The following SEH1L variants were observed in gnomAD, a reference collection of about 807,000 sequenced individuals.
SEH1L encodes SEH1 like nucleoporin, also known as nucleoporin SEH1.
Under a neutral mutation model 49.5 loss-of-function variants are expected in SEH1L, and 18 were observed. The ratio of observed to expected loss-of-function variants is 0.36; its 90% CI spans 0.25 to 0.54. The LOEUF is 0.54. Ranked by LOEUF, SEH1L falls within the 20% of genes least tolerant of loss-of-function variation. The pLI is 0.87. For missense variants in SEH1L, 404 were observed against 528.8 expected (o/e 0.76, Z 2.31); for synonymous variants, 169 against 178.1 (o/e 0.95, Z 0.41).
intron 6 of SEH1L, 82 bp downstream of exon 6, chr18:12,978,974 A>G: frequency 7.7e-7 from 1 of 1,301,618 alleles, no homozygotes; most frequent in Non-Finnish European, 1.1e-6. Context: ...AGTAGAGGTA[A>G]CTATGATTTG....
chr18:12,958,414 T>G (rs1378172896), intron 3 of SEH1L, among the ~76,000 whole-genome samples: 2 of 152,146 alleles, frequency 1.3e-5, no homozygotes, highest in Non-Finnish European at 2.9e-5. Flanking sequence ...ATGGTATAAT[T>G]CAGTAGAATT....
At chr18:12,965,103 T>TCC in intron 4 of SEH1L, among the ~76,000 whole-genome samples, 1 of 112,896 alleles carries the variant, frequency 8.9e-6, no homozygotes, top group African/African-American at 4.0e-5. Context: ...AAGCTCCGCC[T>TCC]CCTGGTTCAA....
chr18:12,965,354 T>C (rs542793936), intron 4 of SEH1L, among the ~76,000 whole-genome samples: 2 of 152,372 alleles, frequency 1.3e-5, no homozygotes, highest in East Asian at 3.9e-4. Flanking sequence ...GCAAGATTTA[T>C]AATATTTACA....
chr18:12,981,447 A>G (rs2032254959), intron 6 of SEH1L, among the ~76,000 whole-genome samples: 1 of 152,254 alleles, frequency 6.6e-6, no homozygotes, highest in African/African-American at 2.4e-5. Context: ...TCCGTCTGCC[A>G]TCCCGGCACC....
chr18:12,972,100 G>A (rs1452270023), intron 5 of SEH1L: 3 of 152,254 alleles, frequency 2.0e-5, no homozygotes, highest in African/African-American at 7.2e-5. Flanking sequence ...GAAACATGGT[G>A]GATTCACGGC....
intron 5 of SEH1L, chr18:12,973,753 G>A (rs2145646535): frequency 6.6e-6 from 1 of 152,362 alleles, no homozygotes; most frequent in Non-Finnish European, 1.5e-5. Context: ...TGAGGGTGGA[G>A]CAGTTCTGGG....
intron 7 of SEH1L, among the ~76,000 whole-genome samples, 162 bp from the exon 8 acceptor site, chr18:12,983,878 T>G (rs1045924678): frequency 6.6e-6 from 1 of 152,246 alleles, no homozygotes; most frequent in Non-Finnish European, 1.5e-5. Flanking sequence ...TGAGATAATA[T>G]GTCTTTCATT....
chr18:12,978,573 A>G (rs2032023335), intron 5 of SEH1L, 179 bp from the exon 6 acceptor site: 9 of 493,538 alleles, frequency 1.8e-5, no homozygotes, highest in Non-Finnish European at 2.9e-5. Flanking sequence ...ATAAGGTCAC[A>G]TTCACAGGGT....
chr18:12,979,336 T>C (rs994472403), intron 6 of SEH1L, among the ~76,000 whole-genome samples: 11 of 150,048 alleles, frequency 7.3e-5, no homozygotes, highest in Non-Finnish European at 1.2e-4. Context: ...CTTAATCCAT[T>C]CAACCCTGAG....
At chr18:12,964,195 G>C (rs2031326967) in intron 4 of SEH1L, among the ~76,000 whole-genome samples, 1 of 152,004 alleles carries the variant, frequency 6.6e-6, no homozygotes, top group African/African-American at 2.4e-5. Flanking sequence ...ACAATTATAA[G>C]AATCACTTGG....
At chr18:12,962,685 C>T (rs1480936160) in intron 3 of SEH1L, among the ~76,000 whole-genome samples, 6 of 150,692 alleles carry the variant, frequency 4.0e-5, no homozygotes, top group African/African-American at 1.5e-4. Flanking sequence ...GTAGCCCAGG[C>T]TGGTCTTGAA....
rs765231354 is a variant in SEH1L, at chr18:12,951,915, TA to T, written c.162+11del. On this transcript the variant is annotated intron_variant, in intron 2 of 8. Coordinates refer to ENST00000399892, the MANE Select transcript of SEH1L (RefSeq NM_001013437.2). ...TACTGCTAGCTGGAAGGTTAGTATT[TA>T]TTTTTACATTTATTAAAAATACAGA... is the stretch of plus-strand genomic sequence containing the variant. 4.2e-6 allele frequency: 6 copies of T among 1,434,136 alleles called. No individual in the cohort carries two copies. The highest frequency in any genetic ancestry group is 5.7e-6 in the Non-Finnish European group (6 of 1,043,580). The allele number at this position is 1,434,136 out of a possible 1,614,324, so 88.8% of individuals were successfully genotyped here. A position where few individuals can be genotyped will look rare whatever the true frequency, so the allele number is the denominator to read the frequency against.
chr18:12,985,257 A>G (rs970501394), intron 8 of SEH1L: 35 of 1,609,478 alleles, frequency 2.2e-5, no homozygotes, highest in Non-Finnish European at 3.0e-5. Context: ...AGCTGAGTAC[A>G]AGCTAACTGG....
chr18:12,979,671 G>C (rs1372587385), intron 6 of SEH1L, among the ~76,000 whole-genome samples: 9 of 150,236 alleles, frequency 6.0e-5, no homozygotes, highest in Non-Finnish European at 1.3e-4. Flanking sequence ...CTCACCTCCC[G>C]GACGGGGTGG....
chr18:12,986,241 T>C, intron 8 of SEH1L: 4 of 985,272 alleles, frequency 4.1e-6, no homozygotes, highest in Non-Finnish European at 4.8e-6. Context: ...GCGTAAGTAT[T>C]ATCGGTAAGT....
chr18:12,959,615 GC>G (rs899460604), intron 3 of SEH1L, among the ~76,000 whole-genome samples: 4 of 152,222 alleles, frequency 2.6e-5, no homozygotes, highest in Non-Finnish European at 5.9e-5. Flanking sequence ...GATTTGATAT[GC>G]ACAACCTGTA....
intron 5 of SEH1L, chr18:12,977,570 C>G (rs906614477): frequency 1.3e-5 from 2 of 151,972 alleles, no homozygotes; most frequent in African/African-American, 4.8e-5. Flanking sequence ...ACTAAAAATA[C>G]AAAATTAGCC....
At chr18:12,975,880 C>T (rs2031897045) in intron 5 of SEH1L, 27 of 985,580 alleles carry the variant, frequency 2.7e-5, no homozygotes, top group Non-Finnish European at 3.3e-5. Flanking sequence ...AGCTGTAGGT[C>T]ACGTGAGTCT....
intron 8 of SEH1L, chr18:12,985,131 T>C: frequency 2.4e-6 from 3 of 1,251,714 alleles, no homozygotes; most frequent in Non-Finnish European, 3.4e-6. Flanking sequence ...ATATTTTCTT[T>C]TGTAAATAGC....
Sources: allele counts gnomAD v4.1 joint callset (sites outside exome capture counted in the v4.1 genomes callset), GRCh38; gene constraint gnomAD v4.1.1; transcripts MANE v1.5; gene names NCBI Gene and HGNC (gene_info 2026-07-23, HGNC 2026-07-21).